DDAH1: variants seen among roughly 807,000 people sequenced by gnomAD.
DDAH1 encodes dimethylarginine dimethylaminohydrolase 1.
In DDAH1, 19 loss-of-function variants were observed where a neutral mutation model predicts 28.8. The ratio of observed to expected loss-of-function variants is 0.66; its 90% confidence interval spans 0.46 to 0.97. The LOEUF (loss-of-function observed/expected upper bound fraction) is 0.97, where lower values mean the gene tolerates loss of function less well. Among genes scored for constraint, DDAH1 ranks in the 50% least tolerant of loss-of-function variants. The pLI, the probability that DDAH1 is intolerant of heterozygous loss-of-function variation, is 0.00. For synonymous variants in DDAH1, 153 were observed against 154.4 expected (o/e 0.99, Z 0.07); for missense variants, 326 against 375.9 (o/e 0.87, Z 1.10).
At chr1:85,350,359 A>G in intron 4 of DDAH1, 56 bp downstream of exon 4, 1 of 1,584,292 alleles carries the variant, frequency 6.3e-7, no homozygotes, top group Non-Finnish European at 8.6e-7. Flanking sequence ...AGAATGTGAA[A>G]AACCCTGTGG....
chr1:85,573,787 A>T (rs926578545), intron 1 of DDAH1, among the ~76,000 whole-genome samples: 1 of 152,232 alleles, frequency 6.6e-6, no homozygotes, highest in Non-Finnish European at 1.5e-5. Flanking sequence ...TAGGTTATAA[A>T]TTCCTACAAC....
At chr1:85,553,107 T>C (rs1658848548) in intron 1 of DDAH1, among the ~76,000 whole-genome samples, 1 of 152,084 alleles carries the variant, frequency 6.6e-6, no homozygotes, top group Non-Finnish European at 1.5e-5. Flanking sequence ...CAATAGATAG[T>C]CCCAGGTGAG....
intron 1 of DDAH1, among the ~76,000 whole-genome samples, chr1:85,431,343 C>A (rs563956696): frequency 1.3e-5 from 2 of 152,058 alleles, no homozygotes; most frequent in Non-Finnish European, 2.9e-5. Context: ...GGGTATTGGC[C>A]TGAAATTGAT....
At chr1:85,557,891 C>T (rs1293934227) in intron 1 of DDAH1, among the ~76,000 whole-genome samples, 1 of 149,866 alleles carries the variant, frequency 6.7e-6, no homozygotes, top group East Asian at 1.9e-4. Context: ...GAAACCAACT[C>T]TGCTGATACC....
At chr1:85,540,458 G>C (rs866892559) in intron 1 of DDAH1, among the ~76,000 whole-genome samples, 2 of 152,064 alleles carry the variant, frequency 1.3e-5, no homozygotes, top group Non-Finnish European at 2.9e-5. Context: ...TTATTCCTCT[G>C]AACTACCATA....
intron 1 of DDAH1, among the ~76,000 whole-genome samples, chr1:85,543,361 G>A (rs1383849846): frequency 3.3e-5 from 5 of 152,116 alleles, no homozygotes; most frequent in South Asian, 2.1e-4. Context: ...GGATCCAGCC[G>A]GGTGGTAGGC....
chr1:85,446,820 T>C (rs1654448741), intron 1 of DDAH1, among the ~76,000 whole-genome samples: 1 of 152,108 alleles, frequency 6.6e-6, no homozygotes, highest in Non-Finnish European at 1.5e-5. Flanking sequence ...TCCTCCTCCT[T>C]TCTTCTTCTC....
In DDAH1 at chr1:85,334,506, G is replaced by C. The variant is rs150983205; in HGVS notation, c.598-9623C>G. Among the ~76,000 whole-genome samples, 535 of 152,326 alleles carry C rather than the reference G, an allele frequency of 3.5e-3. 1 individual carries two copies. The highest frequency in any genetic ancestry group is 6.2e-3 in the Non-Finnish European group (422 of 68,022). The stretch of plus-strand genomic sequence containing the variant: ...TTGGGGGAGGGACCCGGAGGGAGAT[G>C]ATTGGTCATGGGGGCAGATTTCCCC... On this transcript the variant is annotated intron_variant, in intron 4 of 5. Transcript: ENST00000284031.
At chr1:85,419,476 G>C (rs1361917292) in intron 1 of DDAH1, among the ~76,000 whole-genome samples, 1 of 139,800 alleles carries the variant, frequency 7.2e-6, no homozygotes, top group Non-Finnish European at 1.5e-5. Flanking sequence ...GGAGACAGAG[G>C]TTGCAGTTAG....
At chr1:85,463,564 T>G (rs1349215111) in intron 1 of DDAH1, among the ~76,000 whole-genome samples, 1 of 152,210 alleles carries the variant, frequency 6.6e-6, no homozygotes, top group African/African-American at 2.4e-5. Context: ...TTTCTGTTAA[T>G]GGAGGGTGAA....
chr1:85,383,298 T>C (rs528347615), intron 1 of DDAH1, among the ~76,000 whole-genome samples: 10 of 152,176 alleles, frequency 6.6e-5, no homozygotes, highest in African/African-American at 1.4e-4. Flanking sequence ...AAGACTTCAG[T>C]AGACAAAGTA....
At chr1:85,414,050 A>C (rs536797099) in intron 1 of DDAH1, among the ~76,000 whole-genome samples, 2 of 152,362 alleles carry the variant, frequency 1.3e-5, no homozygotes, top group South Asian at 4.1e-4. Flanking sequence ...GGCACTGTAC[A>C]TTTAACTTTC....
intron 2 of DDAH1, among the ~76,000 whole-genome samples, chr1:85,475,279 T>C (rs538668494): frequency 6.6e-6 from 1 of 152,298 alleles, no homozygotes; most frequent in East Asian, 1.9e-4. Flanking sequence ...CATGTAGATA[T>C]AGCAAGTGCT....
chr1:85,409,421 C>G (rs868037209), intron 1 of DDAH1, among the ~76,000 whole-genome samples: 1 of 152,162 alleles, frequency 6.6e-6, no homozygotes, highest in Non-Finnish European at 1.5e-5. Flanking sequence ...AATGACAATA[C>G]AGGACAAAGT....
chr1:85,529,430 A>G (rs577177), intron 1 of DDAH1, among the ~76,000 whole-genome samples: 23,888 of 151,806 alleles, frequency 0.16, 1,982 homozygotes, highest in South Asian at 0.22. Context: ...ACATGACAGT[A>G]TAGATTCCCT....
At chr1:85,405,243 T>A (rs1470973324) in intron 1 of DDAH1, among the ~76,000 whole-genome samples, 2 of 152,198 alleles carry the variant, frequency 1.3e-5, no homozygotes, top group Admixed American at 6.5e-5. Flanking sequence ...GCCTCCAACA[T>A]CTAATATAAC....
intron 1 of DDAH1, among the ~76,000 whole-genome samples, chr1:85,393,962 GTGTC>G (rs1473212880): frequency 6.6e-6 from 1 of 152,154 alleles, no homozygotes; most frequent in Non-Finnish European, 1.5e-5. Flanking sequence ...TTCTGGCTGT[GTGTC>G]TGTATGTCTA....
intron 1 of DDAH1, among the ~76,000 whole-genome samples, chr1:85,513,214 G>A (rs1211308582): frequency 6.6e-6 from 1 of 152,138 alleles, no homozygotes; most frequent in Admixed American, 6.6e-5. Context: ...ACAACCATCT[G>A]ATATTTGACA....
intron 2 of DDAH1, among the ~76,000 whole-genome samples, chr1:85,485,522 T>G (rs1034853967): frequency 1.3e-5 from 2 of 152,182 alleles, no homozygotes; most frequent in Admixed American, 6.5e-5. Context: ...CCCCAAACTT[T>G]ACAAGAAATG....
Sources: allele counts gnomAD v4.1 joint callset (sites outside exome capture counted in the v4.1 genomes callset), GRCh38; gene constraint gnomAD v4.1.1; transcripts MANE v1.5; gene names NCBI Gene and HGNC (gene_info 2026-07-23, HGNC 2026-07-21).